Variants in FAM83F observed in about 807,000 individuals in gnomAD.
The protein encoded by FAM83F is scaffolding CK1 anchoring protein F.
In FAM83F, 45 loss-of-function variants were observed where a neutral mutation model predicts 42.9. That is an observed-to-expected ratio of 1.05 (90% CI 0.83 to 1.35). The LOEUF (loss-of-function observed/expected upper bound fraction) is 1.35, where lower values mean the gene tolerates loss of function less well. Ranked by LOEUF, FAM83F falls within the 40% of genes most tolerant of loss-of-function variation. The pLI is 0.00. For missense variants in FAM83F, 617 were observed against 695.9 expected (o/e 0.89, Z 1.28); for synonymous variants, 306 against 298.3 (o/e 1.03, Z -0.27).
chr22:40,027,091 T>A (rs189573127), intron 4 of FAM83F, among the ~76,000 whole-genome samples: 1 of 152,216 alleles, frequency 6.6e-6, no homozygotes, highest in African/African-American at 2.4e-5. Context: ...CTTGCTTTTA[T>A]GGAGCATGTT....
chr22:40,019,901 C>T lies in FAM83F; in HGVS notation c.672C>T (p.Arg224=). Residue 224 remains arginine, a synonymous_variant, in exon 3 of 5, where the codon CGC becomes CGT. Coordinates refer to ENST00000333407, the MANE Select transcript of FAM83F (RefSeq NM_138435.4). The stretch of plus-strand genomic sequence containing the variant: ...CTTCCCAACAGAACATCCGTGTCCG[C>T]TCTGTGACAGGCGTCGGCTTCTACA... ...TDFRIRNIRV[R]SVTGVGFYMP... The T allele has an allele frequency of 6.2e-7, 1 of 1,612,710 alleles. No individual in the cohort carries two copies. Among genetic ancestry groups the T allele is most frequent in the East Asian group, 2.2e-5 (1 of 44,810 alleles).
At position 39,995,642 on chromosome 22, in the gene FAM83F, A is replaced by G; in HGVS notation, c.489+111A>G. ...GCAGGCCGCCCTGAGCACCCTCTGG[A>G]AAATGGGCCCCAACCCGCCCCTACT... On this transcript the variant is annotated intron_variant, in intron 1 of 4. Coordinates refer to ENST00000333407, the MANE Select transcript of FAM83F (RefSeq NM_138435.4). The surrounding 1 kb of genome is among the most constrained non-coding windows in gnomAD (Gnocchi z 4.6). 1 of 1,426,122 alleles carries G rather than the reference A, an allele frequency of 7.0e-7. No individual in the cohort carries two copies. The highest frequency in any genetic ancestry group is 2.5e-5 in the East Asian group (1 of 39,832). The allele number at this position is 1,426,122 out of a possible 1,614,324, so 88.3% of individuals were successfully genotyped here. A position where few individuals can be genotyped will look rare whatever the true frequency, so the allele number is the denominator to read the frequency against.
At chr22:40,013,366 A>AT (rs1169102539) in intron 1 of FAM83F, among the ~76,000 whole-genome samples, 4 of 151,772 alleles carry the variant, frequency 2.6e-5, no homozygotes, top group Admixed American at 6.6e-5. Context: ...GCTAAAGGGC[A>AT]TTTTTTTTCT....
rs372034081 is a variant in FAM83F at position 40,020,019 on chromosome 22, C to T, written c.779+11C>T. On this transcript the variant is annotated intron_variant, in intron 3 of 4. Coordinates refer to ENST00000333407, the MANE Select transcript of FAM83F (RefSeq NM_138435.4). ...CACTGGATCTTACAGGTGAGTTGGG[C>T]CGGATCAAAGAAGGGCCCAGGAGGC... 2.5e-6 allele frequency: 4 copies of T among 1,607,374 alleles called. No homozygotes were observed. In the African/African-American group the frequency reaches 5.4e-5, roughly 22 times the overall value.
At chr22:40,005,073 G>A (rs529453066) in intron 1 of FAM83F, among the ~76,000 whole-genome samples, 63 of 152,260 alleles carry the variant, frequency 4.1e-4, no homozygotes, top group Non-Finnish European at 4.7e-4. Context: ...ACTTGCCTCC[G>A]TAGGGAAGCC....
At position 40,040,002 on chromosome 22, in the gene FAM83F, TAGAG is replaced by T. The variant is rs1433099063; in HGVS notation, c.*10439_*10442del. The T allele has an allele frequency of 1.3e-5, 2 of 151,722 alleles. No homozygotes were observed. The highest frequency in any genetic ancestry group is 6.6e-5 in the Admixed American group (1 of 15,266). 9.4% of individuals were successfully genotyped at this position (151,722 alleles called of 1,614,324 possible). Reference sequence around the variant, plus strand: ...TATTTAAAAAGCTAGGATAAGAAAATAGAGAAGAAAGGGAAGGAAGCTATTTGAA... The same window carrying T: ...TATTTAAAAAGCTAGGATAAGAAAATAAGAAAGGGAAGGAAGCTATTTGAA... On this transcript the variant is annotated 3_prime_UTR_variant, in exon 5 of 5. Coordinates refer to ENST00000333407, the MANE Select transcript of FAM83F (RefSeq NM_138435.4).
intron 1 of FAM83F, among the ~76,000 whole-genome samples, chr22:39,999,664 T>A (rs1481471408): frequency 1.3e-5 from 2 of 152,202 alleles, no homozygotes; most frequent in African/African-American, 4.8e-5. Context: ...TGGTTGGGAT[T>A]ACCAGTGACG....
At position 40,021,577 on chromosome 22, in the gene FAM83F, A is replaced by G; in HGVS notation, c.1067A>G (p.Glu356Gly). Reference sequence around the variant, plus strand: ...CAGCGGGAGGCGGGCGGCAACCCGGAGGGGCAGGAGGAGGGCGCCAGCGGT... The same window carrying G: ...CAGCGGGAGGCGGGCGGCAACCCGGGGGGGCAGGAGGAGGGCGCCAGCGGT... ...RQQREAGGNP[E>G]GQEEGASGGE... The change falls in exon 4 of 5, where the codon GAG (glutamate) becomes GGG (glycine). Residue 356 changes from glutamate (E) to glycine (G), a missense_variant. Physicochemically the swap from Glu to Gly is moderately conservative, Grantham distance 98. Transcript: ENST00000333407. This position sits in a 1 kb window ranked among gnomAD's most constrained non-coding sequence, Gnocchi z 8.7. 6.4e-7 allele frequency: 1 copy of G among 1,568,548 alleles called. No homozygotes were observed. The highest frequency in any genetic ancestry group is 8.7e-7 in the Non-Finnish European group (1 of 1,152,406).
rs1420202534 is a variant in FAM83F, at chr22:40,032,486, A to G, written c.*2921A>G. The G allele has an allele frequency of 1.3e-5, 2 of 151,962 alleles. No individual in the cohort carries two copies. The highest frequency in any genetic ancestry group is 1.3e-4 in the Admixed American group (2 of 15,264). The allele number at this position is 151,962 out of a possible 1,614,324, so 9.4% of individuals were successfully genotyped here. A position where few individuals can be genotyped will look rare whatever the true frequency, so the allele number is the denominator to read the frequency against. The stretch of plus-strand genomic sequence containing the variant: ...CTACCCTCTGCCTGTGTAGAACTTT[A>G]TAGAAAGGCTAGGCAAAAAATGAGA... On this transcript the variant is annotated 3_prime_UTR_variant, in exon 5 of 5. Coordinates refer to ENST00000333407, the MANE Select transcript of FAM83F (RefSeq NM_138435.4).
intron 4 of FAM83F, 92 bp downstream of exon 4, chr22:40,022,055 C>A: frequency 2.7e-6 from 3 of 1,128,062 alleles, no homozygotes; most frequent in South Asian, 1.7e-5. Context: ...CTCATACCTG[C>A]AGAGGAGTAG....
At position 40,034,294 on chromosome 22, in the gene FAM83F, T is replaced by C. The variant is rs1011373330; in HGVS notation, c.*4729T>C. 6.6e-6 allele frequency: 1 copy of C among 152,310 alleles called. No homozygotes were observed. Among genetic ancestry groups the C allele is most frequent in the Non-Finnish European group, 1.5e-5 (1 of 68,098 alleles). 9.4% of individuals were successfully genotyped at this position (152,310 alleles called of 1,614,324 possible). A position where few individuals can be genotyped will look rare whatever the true frequency, so the allele number is the denominator to read the frequency against. On this transcript the variant is annotated 3_prime_UTR_variant, in exon 5 of 5. Transcript: ENST00000333407. Reference sequence around the variant, plus strand: ...TGCTGCTGATCGTCTGCACTGCTGTTCCAGGGGCAGGAGGTTTGCTGCAAA... The same window carrying C: ...TGCTGCTGATCGTCTGCACTGCTGTCCCAGGGGCAGGAGGTTTGCTGCAAA...
chr22:40,000,243 G>T (rs566144350), intron 1 of FAM83F, among the ~76,000 whole-genome samples: 58 of 152,286 alleles, frequency 3.8e-4, no homozygotes, highest in African/African-American at 1.3e-3. Context: ...CTAAATTGGG[G>T]ATATGGGGTG....
At position 39,995,109 on chromosome 22, in the gene FAM83F, G is replaced by C. The variant is rs1279164957; in HGVS notation, c.67G>C (p.Ala23Pro). The C allele has an allele frequency of 2.9e-6, 4 of 1,359,562 alleles. No individual in the cohort carries two copies. Among genetic ancestry groups the C allele is most frequent in the Non-Finnish European group, 3.8e-6 (4 of 1,064,798 alleles). 84.2% of individuals were successfully genotyped at this position (1,359,562 alleles called of 1,614,324 possible). The change falls in exon 1 of 5, where the codon GCC becomes CCC. Residue 23 changes from alanine (A) to proline (P), a missense_variant. Transcript: ENST00000333407. This position sits in a 1 kb window ranked among gnomAD's most constrained non-coding sequence, Gnocchi z 4.6. ...HVNEKVTEAQ[A>P]AFYYCERRRA... is the part of the protein sequence containing the mutation. Reference sequence around the variant, plus strand: ...GAACGAGAAGGTGACCGAGGCGCAGGCCGCCTTCTACTACTGCGAGCGGCG... The same window carrying C: ...GAACGAGAAGGTGACCGAGGCGCAGCCCGCCTTCTACTACTGCGAGCGGCG...
rs1285331908 is a variant in FAM83F, at chr22:40,035,945, T to A, written c.*6380T>A. ...ATTTACCACTTTCATATTGAATCGT[T>A]GGCACACAGGGCTAACTGCTTGTTC... On this transcript the variant is annotated 3_prime_UTR_variant, in exon 5 of 5. Coordinates refer to ENST00000333407, the MANE Select transcript of FAM83F (RefSeq NM_138435.4). 1 of 152,230 alleles carries A rather than the reference T, an allele frequency of 6.6e-6. No homozygotes were observed. Among genetic ancestry groups the A allele is most frequent in the Non-Finnish European group, 1.5e-5 (1 of 68,034 alleles). 9.4% of individuals were successfully genotyped at this position (152,230 alleles called of 1,614,324 possible).
chr22:39,999,808 G>A (rs185073518), intron 1 of FAM83F, among the ~76,000 whole-genome samples: 5 of 152,316 alleles, frequency 3.3e-5, no homozygotes. Flanking sequence ...CTGAATGGTT[G>A]AGGAAGGAGG....
intron 1 of FAM83F, among the ~76,000 whole-genome samples, chr22:40,001,618 G>A (rs368079458): frequency 6.6e-6 from 1 of 152,168 alleles, no homozygotes; most frequent in African/African-American, 2.4e-5. Flanking sequence ...CTGCACTCCA[G>A]CCTGGGTGCC....
intron 1 of FAM83F, among the ~76,000 whole-genome samples, chr22:40,013,236 A>G (rs1203877756): frequency 1.3e-5 from 2 of 152,080 alleles, no homozygotes; most frequent in African/African-American, 4.8e-5. Context: ...CTTATTAGTT[A>G]TATCTTTCAC....
In FAM83F at chr22:40,036,014, T is replaced by C. The variant is rs957786373; in HGVS notation, c.*6449T>C. Reference sequence around the variant, plus strand: ...AGTTCAGGTTTCTTTTTTCTTTCTTTCTTTCTTTTTTGCTTTTTTAAGATG... The same window carrying C: ...AGTTCAGGTTTCTTTTTTCTTTCTTCCTTTCTTTTTTGCTTTTTTAAGATG... On this transcript the variant is annotated 3_prime_UTR_variant, in exon 5 of 5. Coordinates refer to ENST00000333407, the MANE Select transcript of FAM83F (RefSeq NM_138435.4). 2 of 152,178 alleles carry C rather than the reference T, an allele frequency of 1.3e-5. No homozygotes were observed. The highest frequency in any genetic ancestry group is 2.4e-5 in the African/African-American group (1 of 41,448). 9.4% of individuals were successfully genotyped at this position (152,178 alleles called of 1,614,324 possible).
chr22:40,006,120 A>G (rs1225257745), intron 1 of FAM83F, among the ~76,000 whole-genome samples: 1 of 152,114 alleles, frequency 6.6e-6, no homozygotes, highest in African/African-American at 2.4e-5. Flanking sequence ...TACTCCTGTA[A>G]TCCCAGCTAC....
Sources: allele counts gnomAD v4.1 joint callset (sites outside exome capture counted in the v4.1 genomes callset), GRCh38; gene constraint gnomAD v4.1.1; non-coding constraint Gnocchi (gnomAD v3.1); transcripts MANE v1.5; gene names NCBI Gene and HGNC (gene_info 2026-07-23, HGNC 2026-07-21).